Variants in NIT2 observed in about 807,000 individuals in gnomAD.
NIT2 encodes omega-amidase NIT2.
Under a neutral mutation model 42.7 loss-of-function variants are expected in NIT2, and 46 were observed. The ratio of observed to expected loss-of-function variants is 1.08; its 90% CI spans 0.85 to 1.38. NIT2 has a LOEUF of 1.38. NIT2 is among the 40% of genes most tolerant of loss of function. NIT2 has a pLI of 0.00. For synonymous variants in NIT2, 123 were observed against 121.9 expected (o/e 1.01, Z -0.06); for missense variants, 309 against 342.5 (o/e 0.90, Z 0.77).
intron 8 of NIT2, 30 bp downstream of exon 8, chr3:100,352,532 G>A: frequency 6.4e-7 from 1 of 1,561,342 alleles, no homozygotes; most frequent in Non-Finnish European, 8.8e-7. Context: ...AATAGGCTCA[G>A]TCGGAGCTTG....
intron 3 of NIT2, among the ~76,000 whole-genome samples, chr3:100,340,856 AG>A (rs926277663): frequency 1.3e-5 from 2 of 152,192 alleles, no homozygotes; most frequent in African/African-American, 4.8e-5. Flanking sequence ...ATATTCAAGA[AG>A]GAAAAAAAAA....
chr3:100,340,050 A>C, intron 3 of NIT2, 115 bp downstream of exon 3: 1 of 794,704 alleles, frequency 1.3e-6, no homozygotes, highest in South Asian at 2.3e-5. Context: ...TGGGAAGCTG[A>C]AGCAGAGAGT....
At chr3:100,348,989 C>G in intron 7 of NIT2, 108 bp downstream of exon 7, 1 of 870,936 alleles carries the variant, frequency 1.1e-6, no homozygotes, top group South Asian at 1.5e-5. Flanking sequence ...GTCCCTGACT[C>G]AGGATGCCCT....
At chr3:100,347,918 T>C (rs1706234463) in intron 6 of NIT2, among the ~76,000 whole-genome samples, 1 of 150,554 alleles carries the variant, frequency 6.6e-6, no homozygotes, top group Non-Finnish European at 1.5e-5. Flanking sequence ...TGAGACAGAG[T>C]CTCAATCTGT....
In NIT2 at chr3:100,347,953, C is replaced by T. The variant is rs140747941; in HGVS notation, c.506-850C>T. 3.4e-4 allele frequency among the ~76,000 whole-genome samples: 51 copies of T among 151,560 alleles called. No individual in the cohort carries two copies. The East Asian group carries it at 5.3e-3, about 16-fold the overall frequency. On this transcript the variant is annotated intron_variant, in intron 6 of 9. Transcript: ENST00000394140. ...TTGCCCAGGCTGGAGTGCAGTGGTG[C>T]GATCTTGGCTCACTGCAACTTCTGC...
At chr3:100,350,471 C>T (rs1475364227) in intron 7 of NIT2, among the ~76,000 whole-genome samples, 1 of 152,192 alleles carries the variant, frequency 6.6e-6, no homozygotes, top group Non-Finnish European at 1.5e-5. Flanking sequence ...TCTCCGGCCA[C>T]CTTGACTTGC....
At chr3:100,346,296 G>A (rs1382853686) in intron 6 of NIT2, 41 bp downstream of exon 6, 1 of 1,573,908 alleles carries the variant, frequency 6.4e-7, no homozygotes, top group South Asian at 1.1e-5. Flanking sequence ...GTGCTTGGAG[G>A]CTTGGTTCTA....
At chr3:100,346,939 G>A (rs1706223855) in intron 6 of NIT2, among the ~76,000 whole-genome samples, 2 of 152,090 alleles carry the variant, frequency 1.3e-5, no homozygotes, top group South Asian at 2.1e-4. Flanking sequence ...AGGTGCATGG[G>A]CTCTGGGGTC....
intron 1 of NIT2, among the ~76,000 whole-genome samples, chr3:100,337,033 G>T (rs897505635): frequency 7.9e-5 from 12 of 152,196 alleles, no homozygotes; most frequent in African/African-American, 2.9e-4. Flanking sequence ...TTGAGATTAG[G>T]GAGTGGTGAT....
chr3:100,347,277 G>A (rs891418005), intron 6 of NIT2, among the ~76,000 whole-genome samples: 3 of 152,068 alleles, frequency 2.0e-5, no homozygotes, highest in African/African-American at 7.2e-5. Flanking sequence ...TGTATTTTTA[G>A]TAGTTATGGG....
chr3:100,353,002 G>A (rs534375755), intron 8 of NIT2, among the ~76,000 whole-genome samples: 1 of 152,326 alleles, frequency 6.6e-6, no homozygotes, highest in Admixed American at 6.5e-5. Flanking sequence ...AGTGGAGCCA[G>A]CACATAAGCC....
chr3:100,341,002 CT>C, intron 3 of NIT2, 70 bp from the exon 4 acceptor site: 1 of 1,023,444 alleles, frequency 9.8e-7, no homozygotes, highest in East Asian at 2.4e-5. Context: ...AGTTATCAGG[CT>C]TTTATCCCTT....
In NIT2 at chr3:100,339,860, G is replaced by T; in HGVS notation, c.172G>T (p.Ala58Ser). The change falls in exon 3 of 10, where the codon GCA becomes TCA. Residue 58 changes from alanine (A) to serine (S), a missense_variant. Coordinates refer to ENST00000394140, the MANE Select transcript of NIT2 (RefSeq NM_020202.5). Reference sequence around the variant, plus strand: ...TGGAGCGAAATATTTTCCTGAATATGCAGAGAAAATTCCTGGTGAATCCAC... The same window carrying T: ...TGGAGCGAAATATTTTCCTGAATATTCAGAGAAAATTCCTGGTGAATCCAC... The part of the protein sequence containing the change: ...PYGAKYFPEY[A>S]EKIPGESTQK... 6.2e-7 allele frequency: 1 copy of T among 1,612,902 alleles called. No homozygotes were observed. The highest frequency in any genetic ancestry group is 2.2e-5 in the East Asian group (1 of 44,866).
At chr3:100,346,716 T>C (rs1020383188) in intron 6 of NIT2, among the ~76,000 whole-genome samples, 1 of 152,188 alleles carries the variant, frequency 6.6e-6, no homozygotes, top group African/African-American at 2.4e-5. Flanking sequence ...CACAGTACTT[T>C]GCTAAAATGA....
At chr3:100,346,710 G>C (rs929108130) in intron 6 of NIT2, among the ~76,000 whole-genome samples, 13 of 152,198 alleles carry the variant, frequency 8.5e-5, no homozygotes, top group Admixed American at 7.9e-4. Flanking sequence ...AATTGGCACA[G>C]TACTTTGCTA....
chr3:100,346,058 C>T (rs2289506), intron 5 of NIT2, 123 bp from the exon 6 acceptor site: 220,095 of 720,928 alleles, frequency 0.31, 36,381 homozygotes, highest in South Asian at 0.37. Context: ...TCTCTGTCCT[C>T]AGGTCCTGTG....
chr3:100,341,082 C>T lies in NIT2; in HGVS notation c.257C>T (p.Pro86Leu), dbSNP rs1393507585. Residue 86 changes from proline to leucine, a missense_variant, in exon 4 of 10, where the codon CCT becomes CTT. By Grantham distance (98) the Pro-to-Leu change is moderately conservative (BLOSUM62 -3). Transcript: ENST00000394140. The part of the protein sequence containing the change: ...CSIYLIGGSI[P>L]EEDAGKLYNT... ...CTTCTCTCAATGAAAGGCTCTATCC[C>T]TGAAGAGGATGCTGGGAAATTATAT... 9.9e-6 allele frequency: 16 copies of T among 1,611,384 alleles called. No individual in the cohort carries two copies. Among genetic ancestry groups the T allele is most frequent in the Non-Finnish European group, 1.4e-5 (16 of 1,177,576 alleles).
chr3:100,352,569 T>C (rs1478954110), intron 8 of NIT2, 67 bp downstream of exon 8: 9 of 1,210,226 alleles, frequency 7.4e-6, no homozygotes, highest in Non-Finnish European at 7.3e-6. Flanking sequence ...CGTTGGCAGA[T>C]GGGTTTTCTG....
In NIT2 at chr3:100,356,985, A is replaced by T. The variant is rs1352465395; in HGVS notation, c.*1717A>T. The T allele has an allele frequency of 1.3e-5, 2 of 152,162 alleles. No individual in the cohort carries two copies. Among genetic ancestry groups the T allele is most frequent in the Non-Finnish European group, 2.9e-5 (2 of 68,032 alleles). The allele number at this position is 152,162 out of a possible 1,614,324, so 9.4% of individuals were successfully genotyped here. ...ACTCTGTATGTCTTCTTTCACTCAA[A>T]ATTACTTCTTTCATTTTTAGACGGA... On this transcript the variant is annotated 3_prime_UTR_variant, in exon 10 of 10. Coordinates refer to ENST00000394140, the MANE Select transcript of NIT2 (RefSeq NM_020202.5).
Sources: gnomAD v4.1 joint callset for allele counts (sites outside exome capture counted in the v4.1 genomes callset) on GRCh38, gnomAD v4.1.1 for gene constraint, MANE v1.5 for transcripts, NCBI Gene and HGNC (gene_info 2026-07-23, HGNC 2026-07-21) for gene names.